The following RAD54L2 variants were observed in gnomAD, a reference collection of about 807,000 sequenced individuals.
RAD54L2 encodes the protein helicase ARIP4.
A neutral mutation model predicts 138.4 loss-of-function variants in RAD54L2; 27 were observed. The ratio of observed to expected loss-of-function variants is 0.20; its 90% CI spans 0.14 to 0.27. The LOEUF (loss-of-function observed/expected upper bound fraction) is 0.27, where lower values mean the gene tolerates loss of function less well. RAD54L2 is among the 10% of genes least tolerant of loss of function. The pLI is 1.00. For missense variants in RAD54L2, 1,396 were observed against 1,890.2 expected, an observed-to-expected ratio of 0.74 and a Z score of 4.85; for synonymous variants, 644 against 723.2, an observed-to-expected ratio of 0.89 and a Z score of 1.76.
intron 2 of RAD54L2, among the ~76,000 whole-genome samples, chr3:51,571,287 A>C (rs1699331828): frequency 6.6e-6 from 1 of 151,586 alleles, no homozygotes; most frequent in Admixed American, 6.6e-5. Context: ...CTACTGTGAC[A>C]ATATTTCCTG....
At chr3:51,573,043 A>G (rs530281769) in intron 2 of RAD54L2, among the ~76,000 whole-genome samples, 5 of 152,188 alleles carry the variant, frequency 3.3e-5, no homozygotes, top group African/African-American at 1.2e-4. Context: ...AAATGTCGGC[A>G]CAGGTTAGAA....
At chr3:51,564,331 A>G (rs1327870746) in intron 2 of RAD54L2, among the ~76,000 whole-genome samples, 1 of 152,168 alleles carries the variant, frequency 6.6e-6, no homozygotes, top group East Asian at 1.9e-4. Context: ...CTTCTCTTAA[A>G]TTGCAGTGAA....
intron 2 of RAD54L2, among the ~76,000 whole-genome samples, chr3:51,589,520 T>C (rs1263810603): frequency 1.3e-5 from 2 of 152,224 alleles, no homozygotes; most frequent in Non-Finnish European, 2.9e-5. Context: ...CTTTGGCTCA[T>C]TGCTGTTACT....
chr3:51,581,270 G>A (rs1190395797), intron 2 of RAD54L2, among the ~76,000 whole-genome samples: 1 of 152,118 alleles, frequency 6.6e-6, no homozygotes, highest in African/African-American at 2.4e-5. Context: ...GCTAATTTTT[G>A]TATTTTTAGT....
At chr3:51,600,785 C>T (rs765265907) in intron 3 of RAD54L2, among the ~76,000 whole-genome samples, 2 of 151,978 alleles carry the variant, frequency 1.3e-5, no homozygotes, top group South Asian at 2.1e-4. Context: ...TGACCAATAT[C>T]GTGAAACCCT....
intron 2 of RAD54L2, among the ~76,000 whole-genome samples, chr3:51,549,197 T>C (rs1553673019): frequency 1.3e-5 from 2 of 152,090 alleles, no homozygotes; most frequent in Non-Finnish European, 2.9e-5. Flanking sequence ...TTTTGCCATT[T>C]GGCCAGGCTG....
chr3:51,658,225 C>T (rs1355098423), intron 21 of RAD54L2, among the ~76,000 whole-genome samples: 1 of 152,106 alleles, frequency 6.6e-6, no homozygotes, highest in African/African-American at 2.4e-5. Context: ...AGCCACCGTA[C>T]CCGGCCCTTA....
At chr3:51,618,060 G>C (rs541988870) in intron 3 of RAD54L2, among the ~76,000 whole-genome samples, 1 of 151,544 alleles carries the variant, frequency 6.6e-6, no homozygotes, top group South Asian at 2.1e-4. Context: ...CTGGGTTCAA[G>C]CAATTCTCTT....
intron 2 of RAD54L2, among the ~76,000 whole-genome samples, chr3:51,553,541 T>C (rs749531365): frequency 1.1e-4 from 16 of 152,322 alleles, no homozygotes; most frequent in South Asian, 2.1e-4. Context: ...AAGTTATGTG[T>C]ACAGGCTTGG....
In RAD54L2 at chr3:51,662,867, A is replaced by C. The variant is rs1205007354; in HGVS notation, c.3851A>C (p.Tyr1284Ser). ...KGHLPAPVQP[Y>S]EHGYPVSGGF... ...CATCTGCCAGCCCCCGTGCAGCCGT[A>C]TGAACACGGGTATCCAGTCTCTGGC... Residue 1284 changes from tyrosine (Y) to serine (S), a missense_variant, in exon 23 of 23, where the codon TAT becomes TCT. By Grantham distance (144) the Tyr-to-Ser change is moderately radical. This residue lies in a region of RAD54L2 where 634 missense variants were observed against 711.2 expected (regional missense o/e 0.89). Transcript: ENST00000684192. The surrounding 1 kb of genome is among the most constrained non-coding windows in gnomAD (Gnocchi z 4.6). 6.8e-6 allele frequency: 11 copies of C among 1,613,744 alleles called. No homozygotes were observed. Among genetic ancestry groups the C allele is most frequent in the Non-Finnish European group, 9.3e-6 (11 of 1,179,860 alleles).
intron 2 of RAD54L2, among the ~76,000 whole-genome samples, chr3:51,564,934 TTTGA>T (rs2106646784): frequency 6.6e-6 from 1 of 152,288 alleles, no homozygotes; most frequent in South Asian, 2.1e-4. Context: ...AGATCATATG[TTTGA>T]TTCTTTTCTG....
At chr3:51,647,475 T>C (rs1227598452) in intron 19 of RAD54L2, among the ~76,000 whole-genome samples, 2 of 152,084 alleles carry the variant, frequency 1.3e-5, no homozygotes, top group African/African-American at 4.8e-5. Flanking sequence ...CAAAATCAGC[T>C]TTTCCAACAT....
chr3:51,614,310 C>T (rs1015459411), intron 3 of RAD54L2, among the ~76,000 whole-genome samples: 7 of 152,066 alleles, frequency 4.6e-5, no homozygotes, highest in East Asian at 1.9e-4. Flanking sequence ...TATAGGCATG[C>T]GCCACCATGC....
intron 22 of RAD54L2, among the ~76,000 whole-genome samples, chr3:51,660,684 C>A (rs1243229081): frequency 6.0e-5 from 9 of 150,900 alleles, no homozygotes; most frequent in Admixed American, 6.0e-4. Flanking sequence ...TGCAATGGTG[C>A]AATCTCGGCT....
At chr3:51,598,928 A>T (rs1700027380) in intron 3 of RAD54L2, among the ~76,000 whole-genome samples, 1 of 152,010 alleles carries the variant, frequency 6.6e-6, no homozygotes, top group Non-Finnish European at 1.5e-5. Flanking sequence ...ACCAGTAAAC[A>T]TTTCTCTGAG....
chr3:51,559,479 T>G (rs1699051117), intron 2 of RAD54L2, among the ~76,000 whole-genome samples: 1 of 152,216 alleles, frequency 6.6e-6, no homozygotes, highest in Non-Finnish European at 1.5e-5. Context: ...CCAAACTGAT[T>G]CATCCCACTG....
At chr3:51,609,944 C>T (rs1700291348) in intron 3 of RAD54L2, among the ~76,000 whole-genome samples, 2 of 146,994 alleles carry the variant, frequency 1.4e-5, no homozygotes, top group East Asian at 2.0e-4. Context: ...CTATTCCATA[C>T]CTCTGTTACC....
At chr3:51,623,980 C>CAAAAAAAAA (rs35064930) in intron 3 of RAD54L2, among the ~76,000 whole-genome samples, 5 of 74,044 alleles carry the variant, frequency 6.8e-5, no homozygotes, top group Non-Finnish European at 7.7e-5. Flanking sequence ...CTCCGTCTCA[C>CAAAAAAAAA]AAAAAAAAAA....
chr3:51,563,683 G>T (rs1026530888), intron 2 of RAD54L2, among the ~76,000 whole-genome samples: 10 of 152,092 alleles, frequency 6.6e-5, no homozygotes, highest in African/African-American at 2.2e-4. Context: ...GCTGAGAAGG[G>T]TTTATTTTTT....
Sources: gnomAD v4.1 joint callset for allele counts (sites outside exome capture counted in the v4.1 genomes callset) on GRCh38, gnomAD v4.1.1 for gene constraint, gnomAD v4.1.1 regional missense constraint, Gnocchi (gnomAD v3.1) non-coding constraint, MANE v1.5 for transcripts, NCBI Gene and HGNC (gene_info 2026-07-23, HGNC 2026-07-21) for gene names.